The following VPS37A variants were observed in gnomAD, a reference collection of about 807,000 sequenced individuals.
The protein encoded by VPS37A is VPS37A subunit of ESCRT-I, also known as vacuolar protein sorting-associated protein 37A.
Under a neutral mutation model 49.8 loss-of-function variants are expected in VPS37A, and 30 were observed. The ratio of observed to expected loss-of-function variants is 0.60; its 90% CI spans 0.45 to 0.82. VPS37A has a LOEUF of 0.82. VPS37A is among the 40% of genes least tolerant of loss of function. The pLI, the probability that VPS37A is intolerant of heterozygous loss-of-function variation, is 0.00. For synonymous variants in VPS37A, 195 were observed against 160.6 expected, an observed-to-expected ratio of 1.21 and a Z score of -1.62; for missense variants, 593 against 464.4, an observed-to-expected ratio of 1.28 and a Z score of -2.55.
downstream of VPS37A, among the ~76,000 whole-genome samples, chr8:17,302,705 C>T (rs1303139137): frequency 5.8e-5 from 2 of 34,682 alleles, no homozygotes; most frequent in Non-Finnish European, 9.9e-5. Context: ...TGGCAATAAC[C>T]CCCCCCCCCC....
At chr8:17,252,214 C>A (rs892153714) in intron 1 of VPS37A, among the ~76,000 whole-genome samples, 1 of 152,080 alleles carries the variant, frequency 6.6e-6, no homozygotes, top group Non-Finnish European at 1.5e-5. Context: ...ACTCTGTTAC[C>A]CAGGCTAGAG....
intron 1 of VPS37A, among the ~76,000 whole-genome samples, chr8:17,253,450 T>C (rs946144778): frequency 1.9e-4 from 29 of 152,210 alleles, no homozygotes; most frequent in African/African-American, 6.8e-4. Flanking sequence ...ACTTGATTCC[T>C]GGTTGTCACA....
chr8:17,280,383 A>G lies in VPS37A; in HGVS notation c.909A>G (p.Leu303=). 1 of 1,609,728 alleles carries G rather than the reference A, an allele frequency of 6.2e-7. No homozygotes were observed. The highest frequency in any genetic ancestry group is 1.7e-4 in the Middle Eastern group (1 of 5,980). The change falls in exon 9 of 12, where the codon TTA becomes TTG. Residue 303 remains leucine (L), a synonymous_variant. Coordinates refer to ENST00000324849, the MANE Select transcript of VPS37A (RefSeq NM_152415.3). ...KRQTVLDKYE[L]LTQMKSTFEK... ...TTCATTTTCTCTTTTAGTATGAATTACTTACACAGATGAAGTCCACTTTCG... is the reference window on the plus strand; with the variant it reads ...TTCATTTTCTCTTTTAGTATGAATTGCTTACACAGATGAAGTCCACTTTCG...
intron 1 of VPS37A, among the ~76,000 whole-genome samples, chr8:17,254,109 GA>G (rs1317143690): frequency 2.6e-5 from 4 of 151,992 alleles, no homozygotes; most frequent in African/African-American, 9.7e-5. Flanking sequence ...CAGTTTGCGT[GA>G]TTTTTTTTTA....
chr8:17,326,828 T>C, the VPS37A span, among the ~76,000 whole-genome samples: 2 of 152,194 alleles, frequency 1.3e-5, no homozygotes. Context: ...TGAGTTCCAA[T>C]TTATGCTTGA....
At chr8:17,329,564 T>C in the VPS37A span, among the ~76,000 whole-genome samples, 1 of 152,216 alleles carries the variant, frequency 6.6e-6, no homozygotes, top group African/African-American at 2.4e-5. Flanking sequence ...GTGTATGCTA[T>C]CAGCACTGGT....
chr8:17,289,909 G>A (rs193027322), intron 11 of VPS37A, among the ~76,000 whole-genome samples: 15 of 152,244 alleles, frequency 9.9e-5, no homozygotes, highest in African/African-American at 3.6e-4. Context: ...TCCTTGAAGA[G>A]GTCCTTCATA....
At chr8:17,269,447 G>T (rs1031703160) in intron 4 of VPS37A, among the ~76,000 whole-genome samples, 5 of 151,886 alleles carry the variant, frequency 3.3e-5, no homozygotes, top group Non-Finnish European at 5.9e-5. Context: ...TATTTGGTTT[G>T]GTTTTGTTTT....
chr8:17,279,603 G>GAA, intron 6 of VPS37A: 1 of 303,424 alleles, frequency 3.3e-6, no homozygotes, highest in East Asian at 8.7e-5. Flanking sequence ...TTAAGAACAA[G>GAA]AAAAAAATAC....
At chr8:17,317,819 C>T in the VPS37A span, among the ~76,000 whole-genome samples, 1 of 152,114 alleles carries the variant, frequency 6.6e-6, no homozygotes, top group African/African-American at 2.4e-5. Context: ...TAGTCTGTGG[C>T]ATTACTTATC....
At chr8:17,294,216 C>T (rs1304576695) in intron 11 of VPS37A, among the ~76,000 whole-genome samples, 2 of 152,146 alleles carry the variant, frequency 1.3e-5, no homozygotes, top group African/African-American at 2.4e-5. Context: ...GTGGGCTTTG[C>T]CCAGTCCAAA....
chr8:17,257,569 G>A (rs1390918755), intron 1 of VPS37A, among the ~76,000 whole-genome samples: 1 of 152,102 alleles, frequency 6.6e-6, no homozygotes, highest in Non-Finnish European at 1.5e-5. Context: ...AAACCACCAT[G>A]GCACGTGTAT....
downstream of VPS37A, chr8:17,305,889 C>A: frequency 6.2e-7 from 1 of 1,613,706 alleles, no homozygotes; most frequent in Non-Finnish European, 8.5e-7. Context: ...CATTAACTGC[C>A]AAACACACTC....
intron 1 of VPS37A, among the ~76,000 whole-genome samples, chr8:17,256,814 G>A (rs907717814): frequency 5.3e-5 from 8 of 151,868 alleles, no homozygotes; most frequent in East Asian, 1.9e-4. Flanking sequence ...CACCACACCC[G>A]GCTAATTTTG....
chr8:17,312,633 T>C, the VPS37A span, among the ~76,000 whole-genome samples: 1 of 150,872 alleles, frequency 6.6e-6, no homozygotes, highest in Non-Finnish European at 1.5e-5. Flanking sequence ...ATATAAGCTC[T>C]GTGAGGGAAG....
chr8:17,249,246 C>T (rs1341067949), intron 1 of VPS37A, among the ~76,000 whole-genome samples: 2 of 152,084 alleles, frequency 1.3e-5, no homozygotes, highest in African/African-American at 2.4e-5. Flanking sequence ...ATTTTGGCCT[C>T]CCAAATAAAG....
At chr8:17,306,295 C>G (rs1361351245), downstream of VPS37A, among the ~76,000 whole-genome samples, 1 of 151,906 alleles carries the variant, frequency 6.6e-6, no homozygotes, top group Admixed American at 6.6e-5. Flanking sequence ...AAATGTTGCA[C>G]TTTATGAGCG....
At chr8:17,250,375 C>G (rs1196912519) in intron 1 of VPS37A, among the ~76,000 whole-genome samples, 1 of 152,164 alleles carries the variant, frequency 6.6e-6, no homozygotes, top group African/African-American at 2.4e-5. Flanking sequence ...TGCGAACAGA[C>G]AGATTGGTTA....
chr8:17,273,067 A>G (rs550434775), intron 4 of VPS37A, among the ~76,000 whole-genome samples: 2 of 129,374 alleles, frequency 1.5e-5, no homozygotes, highest in African/African-American at 6.4e-5. Context: ...GGGTCACTAA[A>G]TGATATGGTT....
Sources: gnomAD v4.1 joint callset for allele counts (sites outside exome capture counted in the v4.1 genomes callset) on GRCh38, gnomAD v4.1.1 for gene constraint, MANE v1.5 for transcripts, NCBI Gene and HGNC (gene_info 2026-07-23, HGNC 2026-07-21) for gene names.